Variants in RBFOX1 observed in about 807,000 individuals in gnomAD.
The protein encoded by RBFOX1 is RNA binding fox-1 homolog 1.
In RBFOX1, 8 loss-of-function variants were observed where a neutral mutation model predicts 57.7. That is an observed-to-expected ratio of 0.14 (90% CI 0.08 to 0.25). The LOEUF is 0.25. Ranked by LOEUF, RBFOX1 falls within the 10% of genes least tolerant of loss-of-function variation. RBFOX1 has a pLI of 1.00. For missense variants in RBFOX1, 611 were observed against 548.5 expected (o/e 1.11, Z -1.14); for synonymous variants, 326 against 222.4 (o/e 1.47, Z -4.15).
chr16:6,213,941 C>T (rs940030199), intron 1 of RBFOX1, among the ~76,000 whole-genome samples: 1 of 152,188 alleles, frequency 6.6e-6, no homozygotes, highest in African/African-American at 2.4e-5. Context: ...GATGCCAGTA[C>T]AACCCACTCT....
At chr16:6,621,749 A>T (rs2098235664) in intron 2 of RBFOX1, among the ~76,000 whole-genome samples, 1 of 152,194 alleles carries the variant, frequency 6.6e-6, no homozygotes, top group Non-Finnish European at 1.5e-5. Flanking sequence ...CTCACAGATC[A>T]ACCTTTAGGC....
intron 1 of RBFOX1, among the ~76,000 whole-genome samples, chr16:5,401,410 G>C (rs1300437590): frequency 1.3e-5 from 2 of 152,126 alleles, no homozygotes; most frequent in Non-Finnish European, 2.9e-5. Flanking sequence ...TGTCCGTGCT[G>C]TGACTTGGTT....
intron 1 of RBFOX1, among the ~76,000 whole-genome samples, chr16:6,046,795 T>C (rs1224382168): frequency 6.6e-6 from 1 of 152,120 alleles, no homozygotes; most frequent in Non-Finnish European, 1.5e-5. Flanking sequence ...CTGGCCAAAG[T>C]CAGTGTGATT....
intron 1 of RBFOX1, among the ~76,000 whole-genome samples, chr16:6,177,814 A>G (rs1204726916): frequency 6.6e-6 from 1 of 152,052 alleles, no homozygotes; most frequent in East Asian, 1.9e-4. Context: ...CTCACAGGCA[A>G]AATTGATTGT....
intron 5 of RBFOX1, among the ~76,000 whole-genome samples, chr16:7,557,637 A>AAG (rs1555599217): frequency 9.7e-6 from 1 of 103,410 alleles, no homozygotes; most frequent in Non-Finnish European, 2.4e-5. Flanking sequence ...AAAAAAAAAA[A>AAG]AAAAAGAAAA....
intron 1 of RBFOX1, among the ~76,000 whole-genome samples, chr16:5,368,396 G>C (rs1273128731): frequency 6.6e-6 from 1 of 152,140 alleles, no homozygotes; most frequent in African/African-American, 2.4e-5. Context: ...CCTAACCAAT[G>C]TGGGTTTTCA....
chr16:5,716,365 A>G (rs766028330), intron 3 of RBFOX1, among the ~76,000 whole-genome samples: 2 of 152,210 alleles, frequency 1.3e-5, no homozygotes, highest in African/African-American at 4.8e-5. Context: ...CATTAAGCCT[A>G]CTAGTTATTT....
intron 3 of RBFOX1, among the ~76,000 whole-genome samples, chr16:7,017,896 A>G (rs1174669210): frequency 1.3e-5 from 2 of 152,318 alleles, no homozygotes; most frequent in South Asian, 2.1e-4. Flanking sequence ...AACAACAGAG[A>G]GATGAAAGAC....
chr16:5,776,316 C>T (rs1378058579), intron 3 of RBFOX1, among the ~76,000 whole-genome samples: 5 of 152,312 alleles, frequency 3.3e-5, no homozygotes, highest in South Asian at 4.1e-4. Context: ...TCACAGGCCA[C>T]GCTTCCACTC....
At chr16:6,203,575 G>T (rs1472982729) in intron 1 of RBFOX1, among the ~76,000 whole-genome samples, 1 of 152,118 alleles carries the variant, frequency 6.6e-6, no homozygotes, top group East Asian at 1.9e-4. Context: ...TGGAGATTCT[G>T]ACTTCAGTTC....
chr16:7,485,707 A>G (rs943613009), intron 4 of RBFOX1, among the ~76,000 whole-genome samples: 1 of 152,254 alleles, frequency 6.6e-6, no homozygotes, highest in African/African-American at 2.4e-5. Context: ...ACATCCATAT[A>G]TAATGTATAT....
chr16:7,623,408 A>T (rs1449938114), intron 10 of RBFOX1, among the ~76,000 whole-genome samples: 1 of 152,184 alleles, frequency 6.6e-6, no homozygotes, highest in Non-Finnish European at 1.5e-5. Context: ...GTAACTAGAC[A>T]GTCCTGTCTG....
intron 4 of RBFOX1, among the ~76,000 whole-genome samples, chr16:5,968,474 G>C (rs1335164163): frequency 1.3e-5 from 2 of 152,160 alleles, no homozygotes; most frequent in East Asian, 3.9e-4. Context: ...GGTGACTTGT[G>C]TTGGATGTAG....
intron 2 of RBFOX1, among the ~76,000 whole-genome samples, chr16:6,537,424 C>A (rs1005880282): frequency 1.3e-5 from 2 of 152,086 alleles, no homozygotes; most frequent in Non-Finnish European, 2.9e-5. Context: ...TGGAGCCATG[C>A]GTGTATTATT....
intron 12 of RBFOX1, among the ~76,000 whole-genome samples, chr16:7,661,582 GTATC>G (rs1160847492): frequency 1.3e-5 from 2 of 152,238 alleles, no homozygotes; most frequent in African/African-American, 4.8e-5. Flanking sequence ...GTCTCCTGCA[GTATC>G]TATCTCAGCT....
At chr16:6,155,899 A>G (rs1033390732) in intron 1 of RBFOX1, among the ~76,000 whole-genome samples, 2 of 152,196 alleles carry the variant, frequency 1.3e-5, no homozygotes, top group Non-Finnish European at 2.9e-5. Context: ...AGATGGTATC[A>G]GCATCTGACA....
At chr16:6,683,988 C>T (rs1479416256) in intron 3 of RBFOX1, among the ~76,000 whole-genome samples, 3 of 152,194 alleles carry the variant, frequency 2.0e-5, no homozygotes, top group Admixed American at 1.3e-4. Context: ...GTTACCCCGA[C>T]ATGTTACAAG....
At chr16:6,658,504 GC>G (rs1162359129) in intron 3 of RBFOX1, among the ~76,000 whole-genome samples, 20 of 152,214 alleles carry the variant, frequency 1.3e-4, no homozygotes, top group African/African-American at 4.3e-4. Flanking sequence ...ACCACACCCG[GC>G]CGAGAGCCCT....
chr16:7,566,912 T>C (rs970308215), intron 5 of RBFOX1, among the ~76,000 whole-genome samples: 4 of 151,946 alleles, frequency 2.6e-5, no homozygotes, highest in Admixed American at 1.3e-4. Context: ...TCCACAGTTT[T>C]CATAAAACCT....
Sources: gnomAD v4.1 joint callset for allele counts (sites outside exome capture counted in the v4.1 genomes callset) on GRCh38, gnomAD v4.1.1 for gene constraint, MANE v1.5 for transcripts, NCBI Gene and HGNC (gene_info 2026-07-23, HGNC 2026-07-21) for gene names.